The following MEA1 variants were observed in gnomAD, a reference collection of about 807,000 sequenced individuals.
MEA1 encodes Male-enhanced antigen (H-Y structural gene).
A neutral mutation model predicts 21.4 loss-of-function variants in MEA1; 22 were observed. The ratio of observed to expected loss-of-function variants is 1.03; its 90% confidence interval spans 0.73 to 1.47. MEA1 has a LOEUF of 1.47. Ranked by LOEUF, MEA1 falls within the 40% of genes most tolerant of loss-of-function variation. MEA1 has a pLI of 0.00. For synonymous variants in MEA1, 91 were observed against 85.5 expected (o/e 1.06, Z -0.35); for missense variants, 233 against 230.5 (o/e 1.01, Z -0.07).
Position 43,012,413 on chromosome 6 carries a change from C to T in MEA1, c.*57G>A. The T allele has an allele frequency of 6.6e-7, 1 of 1,518,498 alleles. No homozygotes were observed. Among genetic ancestry groups the T allele is most frequent in the Non-Finnish European group, 8.8e-7 (1 of 1,132,840 alleles). The allele number at this position is 1,518,498 out of a possible 1,614,324, so 94.1% of individuals were successfully genotyped here. On this transcript the variant is annotated 3_prime_UTR_variant, in exon 4 of 4. Coordinates refer to ENST00000244711, the MANE Select transcript of MEA1 (RefSeq NM_014623.4). The stretch of plus-strand genomic sequence containing the variant: ...TGGACATTACAACCAGGGATGTGTT[C>T]AGTCCTGTGCTGGTTCTGGCCTGGA...
upstream of MEA1, chr6:43,014,175 G>T: frequency 7.1e-7 from 1 of 1,399,622 alleles, no homozygotes; most frequent in Non-Finnish European, 9.3e-7. Context: ...TACAAGTCCC[G>T]AAATGCCTCC....
chr6:43,013,413 G>A (rs1762446145), intron 1 of MEA1, 24 bp from the exon 2 acceptor site: 3 of 1,606,806 alleles, frequency 1.9e-6, no homozygotes, highest in Non-Finnish European at 2.5e-6. Flanking sequence ...GAGGCGGTAG[G>A]ACAGGGATCG....
At chr6:43,013,509 C>A in intron 1 of MEA1, 120 bp from the exon 2 acceptor site, 1 of 1,101,090 alleles carries the variant, frequency 9.1e-7, no homozygotes, top group Non-Finnish European at 1.3e-6. Flanking sequence ...GAGGCTCCTG[C>A]ATCCTCCACC....
At chr6:43,015,250 G>A (rs1762535934), upstream of MEA1, among the ~76,000 whole-genome samples, 1 of 152,132 alleles carries the variant, frequency 6.6e-6, no homozygotes, top group Admixed American at 6.5e-5. Context: ...ATTTCAGGAT[G>A]GGTCCCATGG....
chr6:43,013,323 T>C lies in MEA1; in HGVS notation c.95A>G (p.Asn32Ser), dbSNP rs750642194. The change falls in exon 2 of 4, where the codon AAT becomes AGT. Residue 32 changes from asparagine (N) to serine (S), a missense_variant. Transcript: ENST00000244711. ...DTMGPERIFP[N>S]QTEELGHQGP... ...CTGATGTCCCAGTTCCTCAGTCTGA[T>C]TGGGGAAGATACGCTCAGGGCCCAT... The C allele has an allele frequency of 6.8e-6, 11 of 1,613,984 alleles. No individual in the cohort carries two copies. Among genetic ancestry groups the C allele is most frequent in the African/African-American group, 1.3e-5 (1 of 74,900 alleles).
upstream of MEA1, chr6:43,014,249 GT>G: frequency 9.7e-7 from 1 of 1,027,992 alleles, no homozygotes; most frequent in Non-Finnish European, 1.4e-6. Context: ...GCTTGGCTGT[GT>G]TTATCTCGTT....
In MEA1 at chr6:43,011,218, A is replaced by G. The variant is rs1561853368; in HGVS notation, c.*1252T>C. 6.2e-7 allele frequency: 1 copy of G among 1,614,014 alleles called. No homozygotes were observed. The highest frequency in any genetic ancestry group is 8.5e-7 in the Non-Finnish European group (1 of 1,180,020). Reference sequence around the variant, plus strand: ...GTCGGAGCTGCCCCAGGACGTGTACACCATCAAGGCACTGGAGGCGCACAA... The same window carrying G: ...GTCGGAGCTGCCCCAGGACGTGTACGCCATCAAGGCACTGGAGGCGCACAA... On this transcript the variant is annotated 3_prime_UTR_variant, in exon 4 of 4. Transcript: ENST00000244711.
chr6:43,014,664 T>C (rs1762516880), upstream of MEA1: 1 of 455,694 alleles, frequency 2.2e-6, no homozygotes, highest in African/African-American at 2.0e-5. Flanking sequence ...GAGGCCGGAA[T>C]GTCTGGAAGA....
upstream of MEA1, chr6:43,014,483 G>A (rs1316423228): frequency 2.0e-6 from 1 of 505,570 alleles, no homozygotes; most frequent in Admixed American, 2.3e-5. Context: ...TGATGGGAAA[G>A]GAGAGTGTTA....
At position 43,013,830 on chromosome 6, in the gene MEA1, G is replaced by T. The variant is rs764129922; in HGVS notation, c.-17C>A. ...AGGCCCCATGGGCTCCCCTCAAATG[G>T]CCCCAGCTGCAGCGTCCCCCACCCG... On this transcript the variant is annotated 5_prime_UTR_variant, in exon 1 of 4. Transcript: ENST00000244711. 1 of 1,598,536 alleles carries T rather than the reference G, an allele frequency of 6.3e-7. No homozygotes were observed. The highest frequency in any genetic ancestry group is 8.5e-7 in the Non-Finnish European group (1 of 1,173,644).
chr6:43,014,544 C>T, upstream of MEA1: 1 of 464,660 alleles, frequency 2.2e-6, no homozygotes, highest in South Asian at 1.5e-5. Flanking sequence ...GTAGGAGAGA[C>T]CTGGTGTCTG....
chr6:43,012,075 G>T lies in MEA1; in HGVS notation c.*395C>A. 4.8e-6 allele frequency: 2 copies of T among 420,544 alleles called. No homozygotes were observed. Among genetic ancestry groups the T allele is most frequent in the Non-Finnish European group, 6.4e-6 (2 of 311,944 alleles). 26.1% of individuals were successfully genotyped at this position (420,544 alleles called of 1,614,324 possible). On this transcript the variant is annotated 3_prime_UTR_variant, in exon 4 of 4. Coordinates refer to ENST00000244711, the MANE Select transcript of MEA1 (RefSeq NM_014623.4). ...AAAACTAGAAAGAAGGAAGCAGGGAGCGGTGCCCCAAGCATGGCTCCTGCC... is the reference window on the plus strand; with the variant it reads ...AAAACTAGAAAGAAGGAAGCAGGGATCGGTGCCCCAAGCATGGCTCCTGCC...
rs1762352162 is a variant in MEA1, at chr6:43,011,569, A to G, written c.*901T>C. The G allele has an allele frequency of 2.0e-6, 1 of 499,654 alleles. No individual in the cohort carries two copies. The highest frequency in any genetic ancestry group is 3.6e-6 in the Non-Finnish European group (1 of 275,568). 31.0% of individuals were successfully genotyped at this position (499,654 alleles called of 1,614,324 possible). On this transcript the variant is annotated 3_prime_UTR_variant, in exon 4 of 4. Coordinates refer to ENST00000244711, the MANE Select transcript of MEA1 (RefSeq NM_014623.4). ...TGTCCCCTACCTGCTCCTCACCCAC[A>G]GCTACCTGAGGCTGCTCTGAGAAGT...
Position 43,012,791 on chromosome 6 carries a change from G to C in MEA1, c.406+135C>G. 5 of 1,218,898 alleles carry C rather than the reference G, an allele frequency of 4.1e-6. No homozygotes were observed. In the South Asian group the frequency reaches 4.1e-5, roughly 10 times the overall value. The allele number at this position is 1,218,898 out of a possible 1,614,324, so 75.5% of individuals were successfully genotyped here. On this transcript the variant is annotated intron_variant, in intron 3 of 3. Coordinates refer to ENST00000244711, the MANE Select transcript of MEA1 (RefSeq NM_014623.4). The stretch of plus-strand genomic sequence containing the variant: ...AGCTAGCAAAAGAGCATTTCACTTG[G>C]ACTCTGAAGTCTACAAAATCTTAGT...
At chr6:43,012,698 A>G in intron 3 of MEA1, 77 bp from the exon 4 acceptor site, 1 of 1,495,282 alleles carries the variant, frequency 6.7e-7, no homozygotes, top group South Asian at 1.3e-5. Context: ...GAATCAACCC[A>G]GAGCCCTTGG....
rs1295521552 is a variant in MEA1 at position 43,012,145 on chromosome 6, C to T, written c.*325G>A. ...GTTTGTGCTATGCTGGGCAGGCCTT[C>T]TCTTGTCCCTTATAGGTACCTTGGA... On this transcript the variant is annotated 3_prime_UTR_variant, in exon 4 of 4. Coordinates refer to ENST00000244711, the MANE Select transcript of MEA1 (RefSeq NM_014623.4). The T allele has an allele frequency of 9.9e-7, 1 of 1,005,932 alleles. No homozygotes were observed. The highest frequency in any genetic ancestry group is 1.7e-5 in the African/African-American group (1 of 58,784). The allele number at this position is 1,005,932 out of a possible 1,614,324, so 62.3% of individuals were successfully genotyped here. A position where few individuals can be genotyped will look rare whatever the true frequency, so the allele number is the denominator to read the frequency against.
chr6:43,014,038 C>T, upstream of MEA1: 1 of 1,420,916 alleles, frequency 7.0e-7, no homozygotes, highest in Non-Finnish European at 9.2e-7. Flanking sequence ...CATTCCCAGC[C>T]CAAAAAACAA....
Position 43,011,216 on chromosome 6 carries a change from A to G in MEA1, c.*1254T>C, listed in dbSNP as rs1762339256. 6.2e-7 allele frequency: 1 copy of G among 1,614,042 alleles called. No homozygotes were observed. The highest frequency in any genetic ancestry group is 1.3e-5 in the African/African-American group (1 of 74,906). ...AAGTCGGAGCTGCCCCAGGACGTGT[A>G]CACCATCAAGGCACTGGAGGCGCAC... On this transcript the variant is annotated 3_prime_UTR_variant, in exon 4 of 4. Coordinates refer to ENST00000244711, the MANE Select transcript of MEA1 (RefSeq NM_014623.4).
intron 1 of MEA1, 114 bp downstream of exon 1, chr6:43,013,672 G>T: frequency 8.6e-7 from 1 of 1,160,156 alleles, no homozygotes; most frequent in Non-Finnish European, 1.3e-6. Flanking sequence ...CCAGAACCCC[G>T]GCTCCCCGCG....
Sources: allele counts gnomAD v4.1 joint callset (sites outside exome capture counted in the v4.1 genomes callset), GRCh38; gene constraint gnomAD v4.1.1; transcripts MANE v1.5; gene names NCBI Gene and HGNC (gene_info 2026-07-23, HGNC 2026-07-21).